Variants in ASIC2 observed in about 807,000 individuals in gnomAD.
ASIC2 encodes the protein acid sensing ion channel subunit 2, also known as acid-sensing ion channel 2.
In ASIC2, 25 loss-of-function variants were observed where a neutral mutation model predicts 57.3. The ratio of observed to expected loss-of-function variants is 0.44; its 90% CI spans 0.32 to 0.61. ASIC2 has a LOEUF of 0.61. Among genes scored for constraint, ASIC2 ranks in the 20% least tolerant of loss-of-function variants. The pLI, the probability that ASIC2 is intolerant of heterozygous loss-of-function variation, is 0.06. For missense variants in ASIC2, 641 were observed against 738.1 expected (o/e 0.87, Z 1.52); for synonymous variants, 319 against 307.5 (o/e 1.04, Z -0.39).
chr17:33,560,151 G>A (rs1460973415), intron 1 of ASIC2, among the ~76,000 whole-genome samples: 1 of 152,184 alleles, frequency 6.6e-6, no homozygotes, highest in Non-Finnish European at 1.5e-5. Context: ...TCGGTTGGCT[G>A]TGTTCACAGA....
intron 3 of ASIC2, among the ~76,000 whole-genome samples, chr17:33,049,524 C>T (rs1160980388): frequency 6.6e-6 from 1 of 152,050 alleles, no homozygotes; most frequent in African/African-American, 2.4e-5. Context: ...AATATTGACC[C>T]TTACAGTTGG....
chr17:33,139,967 T>C (rs532022418), intron 1 of ASIC2, among the ~76,000 whole-genome samples: 62 of 152,324 alleles, frequency 4.1e-4, no homozygotes, highest in African/African-American at 1.2e-3. Context: ...GGGTTGTACA[T>C]GGATTCGTAA....
intron 1 of ASIC2, among the ~76,000 whole-genome samples, chr17:33,930,015 C>T (rs972317997): frequency 2.6e-5 from 4 of 152,168 alleles, no homozygotes; most frequent in Admixed American, 2.6e-4. Flanking sequence ...GCCTCACTGT[C>T]GATGGGTGCT....
At chr17:34,017,097 T>C (rs529121198) in intron 1 of ASIC2, among the ~76,000 whole-genome samples, 2 of 152,248 alleles carry the variant, frequency 1.3e-5, no homozygotes, top group African/African-American at 4.8e-5. Flanking sequence ...TTAAAGGTTA[T>C]GCATGGAGCA....
At chr17:33,167,497 C>G (rs1019884278) in intron 1 of ASIC2, among the ~76,000 whole-genome samples, 2 of 152,232 alleles carry the variant, frequency 1.3e-5, no homozygotes, top group East Asian at 3.8e-4. Flanking sequence ...CACTACCCCC[C>G]ACCCGGTTCC....
At chr17:33,017,489 G>A (rs1055711546) in intron 8 of ASIC2, 116 bp downstream of exon 8, 2 of 818,368 alleles carry the variant, frequency 2.4e-6, no homozygotes, top group South Asian at 1.8e-5. Context: ...GACAGGAGGG[G>A]AAGCAGGCTC....
chr17:34,031,039 G>C (rs541720976), intron 1 of ASIC2, among the ~76,000 whole-genome samples: 8 of 152,224 alleles, frequency 5.3e-5, no homozygotes, highest in African/African-American at 1.9e-4. Context: ...CACAGCTGGA[G>C]ATCTGAGATC....
chr17:33,615,899 G>A (rs75599009), intron 1 of ASIC2, among the ~76,000 whole-genome samples: 10,679 of 152,194 alleles, frequency 0.07, 399 homozygotes, highest in Middle Eastern at 0.1. Flanking sequence ...GGAAGGAGGC[G>A]GGGAGTCTCA....
intron 1 of ASIC2, among the ~76,000 whole-genome samples, chr17:33,611,587 A>G (rs1307116660): frequency 6.6e-6 from 1 of 152,222 alleles, no homozygotes; most frequent in Non-Finnish European, 1.5e-5. Context: ...GCCCAGGTCA[A>G]GTGAGATTCA....
At chr17:34,099,928 T>C (rs1265721367) in intron 1 of ASIC2, among the ~76,000 whole-genome samples, 2 of 152,184 alleles carry the variant, frequency 1.3e-5, no homozygotes, top group Non-Finnish European at 2.9e-5. Context: ...CACAGGGACA[T>C]GCCTAGTGAG....
intron 1 of ASIC2, among the ~76,000 whole-genome samples, chr17:33,418,706 G>C (rs1184699015): frequency 6.6e-6 from 1 of 152,126 alleles, no homozygotes; most frequent in African/African-American, 2.4e-5. Flanking sequence ...TGAGGCCTCT[G>C]TTCTGTTCCA....
At chr17:33,783,316 C>A (rs1172908485) in intron 1 of ASIC2, among the ~76,000 whole-genome samples, 3 of 152,202 alleles carry the variant, frequency 2.0e-5, no homozygotes, top group Non-Finnish European at 4.4e-5. Context: ...CTTACTAATC[C>A]TGGTGAGATC....
chr17:33,561,281 A>G (rs1317043623), intron 1 of ASIC2, among the ~76,000 whole-genome samples: 3 of 152,214 alleles, frequency 2.0e-5, no homozygotes, highest in East Asian at 1.9e-4. Flanking sequence ...CGGAAGGCAC[A>G]GGTATAACAT....
At position 33,983,643 on chromosome 17, in the gene ASIC2, G is replaced by A. The variant is rs138967335; in HGVS notation, c.555+172335C>T. Among the ~76,000 whole-genome samples the A allele has an allele frequency of 6.5e-3, 991 of 152,308 alleles. 20 individuals carry two copies. Among genetic ancestry groups the A allele is most frequent in the African/African-American group, 0.023 (940 of 41,556 alleles). ...GGCAACAGAGGAGGAAGTTAGGCGT[G>A]CAAATTCGTGAGCCACCCTGGTGCA... On this transcript the variant is annotated intron_variant, in intron 1 of 9. Transcript: ENST00000359872.
chr17:33,809,837 C>T (rs1326656794), intron 1 of ASIC2, among the ~76,000 whole-genome samples: 1 of 152,234 alleles, frequency 6.6e-6, no homozygotes, highest in Admixed American at 6.5e-5. Context: ...GAAGGCATCA[C>T]TAATAGATCA....
chr17:33,054,618 T>C (rs762587784), intron 3 of ASIC2, among the ~76,000 whole-genome samples: 1 of 152,218 alleles, frequency 6.6e-6, no homozygotes, highest in Non-Finnish European at 1.5e-5. Flanking sequence ...AGAGAATTTA[T>C]CATTAGAGAA....
intron 1 of ASIC2, among the ~76,000 whole-genome samples, chr17:33,231,610 C>T (rs1908094528): frequency 6.6e-6 from 1 of 152,152 alleles, no homozygotes; most frequent in South Asian, 2.1e-4. Flanking sequence ...CACCTCCAAA[C>T]TGACCCTTAG....
intron 1 of ASIC2, among the ~76,000 whole-genome samples, chr17:33,312,142 G>T (rs1906453240): frequency 6.6e-6 from 1 of 152,224 alleles, no homozygotes; most frequent in South Asian, 2.1e-4. Context: ...TTAATGTGGA[G>T]TTAATAATAT....
intron 1 of ASIC2, among the ~76,000 whole-genome samples, chr17:33,753,809 T>C (rs776158033): frequency 5.9e-5 from 9 of 152,198 alleles, no homozygotes; most frequent in Non-Finnish European, 1.3e-4. Flanking sequence ...TAAATTAGGT[T>C]ACAGTTCATC....
Sources: gnomAD v4.1 joint callset for allele counts (sites outside exome capture counted in the v4.1 genomes callset) on GRCh38, gnomAD v4.1.1 for gene constraint, MANE v1.5 for transcripts, NCBI Gene and HGNC (gene_info 2026-07-23, HGNC 2026-07-21) for gene names.